Variants in SLC23A2 observed in about 807,000 individuals in gnomAD.
SLC23A2 encodes solute carrier family 23 member 2.
Under a neutral mutation model 73.3 loss-of-function variants are expected in SLC23A2, and 36 were observed. The observed-to-expected ratio is 0.49, with a 90% confidence interval of 0.38 to 0.65. The LOEUF (loss-of-function observed/expected upper bound fraction) is 0.65. SLC23A2 is among the 30% of genes least tolerant of loss of function. The pLI is 0.00. For missense variants in SLC23A2, 507 were observed against 841.6 expected (o/e 0.60, Z 4.92); for synonymous variants, 343 against 327.3 (o/e 1.05, Z -0.52).
At chr20:5,001,952 T>TA (rs2088134549), upstream of SLC23A2, among the ~76,000 whole-genome samples, 2 of 152,064 alleles carry the variant, frequency 1.3e-5, no homozygotes. Context: ...TCCACTTAGG[T>TA]AGCCAGTTTT....
intron 2 of SLC23A2, among the ~76,000 whole-genome samples, chr20:4,961,113 T>C (rs1189132531): frequency 1.3e-5 from 2 of 148,980 alleles, no homozygotes; most frequent in East Asian, 1.9e-4. Flanking sequence ...CTTTTTCTTT[T>C]TTTTTTTTTT....
intron 1 of SLC23A2, among the ~76,000 whole-genome samples, chr20:4,996,881 C>T (rs1403857048): frequency 1.3e-5 from 2 of 151,902 alleles, no homozygotes; most frequent in Non-Finnish European, 2.9e-5. Flanking sequence ...ATGAGAAGCT[C>T]CCAAGATTTA....
At chr20:4,946,755 G>C (rs775058037) in intron 2 of SLC23A2, among the ~76,000 whole-genome samples, 1 of 152,184 alleles carries the variant, frequency 6.6e-6, no homozygotes, top group African/African-American at 2.4e-5. Context: ...ATGGTATCTA[G>C]GTGACAAGAC....
At chr20:4,976,310 G>C (rs1031358887) in intron 1 of SLC23A2, among the ~76,000 whole-genome samples, 8 of 152,000 alleles carry the variant, frequency 5.3e-5, no homozygotes, top group Admixed American at 3.3e-4. Flanking sequence ...TTGAAATAGA[G>C]GACATTTTTT....
At chr20:4,929,980 G>A (rs986342640) in intron 3 of SLC23A2, among the ~76,000 whole-genome samples, 4 of 152,214 alleles carry the variant, frequency 2.6e-5, no homozygotes, top group Admixed American at 2.6e-4. Flanking sequence ...GACCATCAGT[G>A]TATCTTAAAT....
chr20:4,929,063 C>T (rs78096505), intron 3 of SLC23A2, among the ~76,000 whole-genome samples: 1,831 of 152,138 alleles, frequency 0.012, 46 homozygotes, highest in African/African-American at 0.042. Flanking sequence ...ACTAGCCTGG[C>T]AACATGCAGA....
intron 11 of SLC23A2, among the ~76,000 whole-genome samples, chr20:4,873,359 G>A (rs1033562297): frequency 6.6e-6 from 1 of 152,088 alleles, no homozygotes; most frequent in Non-Finnish European, 1.5e-5. Flanking sequence ...GGCCAGCTGC[G>A]AGTCCAGGTG....
chr20:4,898,138 G>A (rs918193830), intron 6 of SLC23A2, among the ~76,000 whole-genome samples: 12 of 152,316 alleles, frequency 7.9e-5, no homozygotes, highest in Admixed American at 3.3e-4. Flanking sequence ...TCCCCTAGTC[G>A]GTCAGTGATA....
chr20:4,913,163 T>G (rs1372418375), intron 3 of SLC23A2, among the ~76,000 whole-genome samples, 185 bp from the exon 4 acceptor site: 1 of 152,016 alleles, frequency 6.6e-6, no homozygotes, highest in Non-Finnish European at 1.5e-5. Context: ...AGAAATAAAA[T>G]CCCAGGGCAA....
intron 1 of SLC23A2, among the ~76,000 whole-genome samples, chr20:4,976,770 G>A (rs544492885): frequency 3.3e-5 from 5 of 152,122 alleles, no homozygotes; most frequent in Admixed American, 2.0e-4. Context: ...TCAAGAGATC[G>A]AGACTATCCT....
At chr20:4,881,509 T>G (rs889004657) in intron 9 of SLC23A2, among the ~76,000 whole-genome samples, 2 of 152,202 alleles carry the variant, frequency 1.3e-5, no homozygotes, top group Non-Finnish European at 2.9e-5. Context: ...TTTTGCTCCC[T>G]CTGACGGGAT....
intron 2 of SLC23A2, among the ~76,000 whole-genome samples, chr20:4,946,162 G>A (rs2087116257): frequency 6.6e-6 from 1 of 152,164 alleles, no homozygotes; most frequent in Non-Finnish European, 1.5e-5. Flanking sequence ...TTTAAAGGAA[G>A]CCAGATAAAA....
intron 13 of SLC23A2, among the ~76,000 whole-genome samples, chr20:4,867,066 A>AAAC (rs1287367560): frequency 3.3e-5 from 5 of 150,242 alleles, no homozygotes; most frequent in Admixed American, 6.6e-5. Flanking sequence ...CTAAAAAAAA[A>AAAC]AAAAAAAAAA....
rs1432911618 is a variant in SLC23A2, at chr20:4,862,575, A to G, written c.1486+203T>C. ...ATTTAATTGAAATGTTCATAGCACAATTACATCTTATTGTTGGTTCCATAT... is the reference window on the plus strand; with the variant it reads ...ATTTAATTGAAATGTTCATAGCACAGTTACATCTTATTGTTGGTTCCATAT... On this transcript the variant is annotated intron_variant, in intron 14 of 16. Transcript: ENST00000338244. This position sits in a 1 kb window ranked among gnomAD's most constrained non-coding sequence, Gnocchi z 5.1. Among the ~76,000 whole-genome samples, 1 of 152,210 alleles carries G rather than the reference A, an allele frequency of 6.6e-6. No homozygotes were observed. The highest frequency in any genetic ancestry group is 2.4e-5 in the African/African-American group (1 of 41,448).
chr20:4,947,548 T>C lies in SLC23A2; in HGVS notation c.-154-14832A>G, dbSNP rs2087136700. Reference sequence around the variant, plus strand: ...TAACAACAAGATAAAAACATGTGCATAATGAACTATCAAGTCCCAGGCACA... The same window carrying C: ...TAACAACAAGATAAAAACATGTGCACAATGAACTATCAAGTCCCAGGCACA... On this transcript the variant is annotated intron_variant, in intron 2 of 16. Transcript: ENST00000338244. This position sits in a 1 kb window ranked among gnomAD's most constrained non-coding sequence, Gnocchi z 4.4. Among the ~76,000 whole-genome samples the C allele has an allele frequency of 6.6e-6, 1 of 152,220 alleles. No individual in the cohort carries two copies. The highest frequency in any genetic ancestry group is 1.5e-5 in the Non-Finnish European group (1 of 68,036).
At chr20:4,874,790 T>C in intron 9 of SLC23A2, 94 bp from the exon 10 acceptor site, 2 of 1,013,780 alleles carry the variant, frequency 2.0e-6, no homozygotes, top group Non-Finnish European at 2.9e-6. Context: ...TGACATAGTG[T>C]TCAATTCATT....
intron 6 of SLC23A2, among the ~76,000 whole-genome samples, chr20:4,898,501 C>T (rs912477473): frequency 6.6e-5 from 10 of 152,248 alleles, no homozygotes; most frequent in African/African-American, 2.4e-4. Context: ...CCAGGCCTTA[C>T]TCAGCCTGTC....
chr20:4,988,956 G>C (rs887994323), intron 1 of SLC23A2, among the ~76,000 whole-genome samples: 1 of 151,874 alleles, frequency 6.6e-6, no homozygotes, highest in African/African-American at 2.4e-5. Flanking sequence ...CGCTAACTAG[G>C]CCGGGCGCGG....
intron 1 of SLC23A2, among the ~76,000 whole-genome samples, chr20:4,992,711 T>C (rs985520659): frequency 2.6e-5 from 4 of 151,736 alleles, no homozygotes; most frequent in Non-Finnish European, 5.9e-5. Context: ...GGTTTCTCCA[T>C]GTTGGTCAGG....
Sources: gnomAD v4.1 joint callset for allele counts (sites outside exome capture counted in the v4.1 genomes callset) on GRCh38, gnomAD v4.1.1 for gene constraint, Gnocchi (gnomAD v3.1) non-coding constraint, MANE v1.5 for transcripts, NCBI Gene and HGNC (gene_info 2026-07-23, HGNC 2026-07-21) for gene names.